The following TENM2 variants were observed in gnomAD, a reference collection of about 807,000 sequenced individuals.
TENM2 encodes the protein teneurin transmembrane protein 2.
A neutral mutation model predicts 245.2 loss-of-function variants in TENM2; 52 were observed. The observed-to-expected ratio is 0.21, with a 90% CI of 0.17 to 0.27. The LOEUF is 0.27. Ranked by LOEUF, TENM2 falls within the 10% of genes least tolerant of loss-of-function variation. The pLI is 1.00. For missense variants in TENM2, 3,046 were observed against 3,666.8 expected (o/e 0.83, Z 4.37); for synonymous variants, 1,363 against 1,438.9 (o/e 0.95, Z 1.19).
the TENM2 span, among the ~76,000 whole-genome samples, chr5:167,143,091 T>C: frequency 6.6e-6 from 1 of 152,202 alleles, no homozygotes; most frequent in Non-Finnish European, 1.5e-5. Context: ...TTGGTGTCCT[T>C]GTAAATGTTG....
the TENM2 span, among the ~76,000 whole-genome samples, chr5:167,030,203 A>T: frequency 6.6e-6 from 1 of 152,130 alleles, no homozygotes; most frequent in Admixed American, 6.5e-5. Flanking sequence ...CCACCTTCTG[A>T]ACACTCACAC....
the TENM2 span, among the ~76,000 whole-genome samples, chr5:167,125,343 G>T: frequency 6.6e-6 from 1 of 152,218 alleles, no homozygotes; most frequent in Non-Finnish European, 1.5e-5. Flanking sequence ...GATGCACTCT[G>T]CAAATGCAAA....
chr5:168,069,592 T>C (rs1790806543), intron 7 of TENM2, among the ~76,000 whole-genome samples: 1 of 152,188 alleles, frequency 6.6e-6, no homozygotes, highest in Non-Finnish European at 1.5e-5. Context: ...CATTATCTTG[T>C]TTTATCTTCA....
At chr5:168,033,819 G>T (rs1446368561) in intron 5 of TENM2, among the ~76,000 whole-genome samples, 1 of 151,890 alleles carries the variant, frequency 6.6e-6, no homozygotes, top group African/African-American at 2.4e-5. Context: ...TTGAGGTCAG[G>T]AGTTCGAGAC....
intron 1 of TENM2, among the ~76,000 whole-genome samples, chr5:167,356,662 A>T (rs1359409949): frequency 6.6e-6 from 1 of 152,184 alleles, no homozygotes; most frequent in Non-Finnish European, 1.5e-5. Flanking sequence ...GCATTCCAGG[A>T]TGATATCAAT....
intron 2 of TENM2, among the ~76,000 whole-genome samples, chr5:167,619,672 A>C (rs886303556): frequency 1.3e-5 from 2 of 152,182 alleles, no homozygotes; most frequent in Non-Finnish European, 2.9e-5. Context: ...TAGTAAAAGC[A>C]CTGGCCCTCC....
At chr5:167,730,090 G>A (rs913516509) in intron 2 of TENM2, among the ~76,000 whole-genome samples, 31 of 152,088 alleles carry the variant, frequency 2.0e-4, no homozygotes, top group African/African-American at 6.0e-4. Flanking sequence ...TGCTTGCCAC[G>A]AAACCATCTA....
chr5:167,655,667 T>C (rs1754793354), intron 2 of TENM2, among the ~76,000 whole-genome samples: 1 of 152,194 alleles, frequency 6.6e-6, no homozygotes, highest in South Asian at 2.1e-4. Context: ...GATGTGTAGG[T>C]GAATTTGGTA....
At chr5:167,122,754 A>C in the TENM2 span, among the ~76,000 whole-genome samples, 2 of 152,190 alleles carry the variant, frequency 1.3e-5, no homozygotes, top group Non-Finnish European at 2.9e-5. Flanking sequence ...CCAAATCATT[A>C]AGATTTGCCT....
intron 2 of TENM2, among the ~76,000 whole-genome samples, chr5:167,679,435 T>C (rs1224420068): frequency 6.6e-6 from 1 of 152,196 alleles, no homozygotes; most frequent in East Asian, 1.9e-4. Flanking sequence ...GCTAGTACTA[T>C]AGATGAACTT....
chr5:167,396,717 G>A (rs1208471241), intron 2 of TENM2, among the ~76,000 whole-genome samples: 2 of 152,170 alleles, frequency 1.3e-5, no homozygotes, highest in Non-Finnish European at 1.5e-5. Context: ...TCCTTAGGAA[G>A]AACAAGATTT....
chr5:167,309,556 CTGCTATG>C (rs1347517548), intron 1 of TENM2, among the ~76,000 whole-genome samples: 1 of 152,162 alleles, frequency 6.6e-6, no homozygotes, highest in Non-Finnish European at 1.5e-5. Context: ...GGAAAAACCT[CTGCTATG>C]TGCTTTATCC....
chr5:167,311,021 G>A (rs1755999569), intron 1 of TENM2, among the ~76,000 whole-genome samples: 1 of 152,136 alleles, frequency 6.6e-6, no homozygotes, highest in Admixed American at 6.6e-5. Context: ...ACAGTGCTCA[G>A]TATTCAGAGC....
exon 13 of TENM2, chr5:168,162,744 G>C (rs1377281475): frequency 1.2e-5 from 19 of 1,614,002 alleles, no homozygotes; most frequent in Non-Finnish European, 1.6e-5. Flanking sequence ...CTGATAACAA[G>C]GATAATGAGG....
At chr5:167,702,619 T>A (rs903658982) in intron 2 of TENM2, among the ~76,000 whole-genome samples, 22 of 149,706 alleles carry the variant, frequency 1.5e-4, no homozygotes, top group African/African-American at 4.9e-4. Context: ...TCCCAAGAAC[T>A]GCTGTGTTTT....
At chr5:167,678,467 A>G (rs1439970886) in intron 2 of TENM2, among the ~76,000 whole-genome samples, 2 of 152,140 alleles carry the variant, frequency 1.3e-5, no homozygotes, top group African/African-American at 2.4e-5. Context: ...TTCTGTGCAC[A>G]GATTTATCCT....
At chr5:167,343,284 G>T (rs1240795606) in intron 1 of TENM2, among the ~76,000 whole-genome samples, 1 of 152,048 alleles carries the variant, frequency 6.6e-6, no homozygotes, top group African/African-American at 2.4e-5. Context: ...TCTTTAAAGG[G>T]CACTGGTTTC....
At chr5:168,256,965 C>T (rs1251246699) in intron 27 of TENM2, among the ~76,000 whole-genome samples, 1 of 149,472 alleles carries the variant, frequency 6.7e-6, no homozygotes, top group Admixed American at 6.6e-5. Context: ...CAGACAGATC[C>T]ACTGTCACAC....
Position 168,204,329 on chromosome 5 carries a change from C to T in TENM2, c.3575-43C>T, listed in dbSNP as rs1206072061. 5 of 1,592,980 alleles carry T rather than the reference C, an allele frequency of 3.1e-6. No homozygotes were observed. The Admixed American group carries it at 6.7e-5, about 21-fold the overall frequency. ...CAGTTGGCCAATACACATGTCTTCC[C>T]CAGAGGGCTTCAGTAACCCCTCCCA... On this transcript the variant is annotated intron_variant, in intron 18 of 28. Coordinates refer to ENST00000518659, the Ensembl canonical transcript of TENM2.
Sources: allele counts gnomAD v4.1 joint callset (sites outside exome capture counted in the v4.1 genomes callset), GRCh38; gene constraint gnomAD v4.1.1; transcripts MANE v1.5; gene names NCBI Gene and HGNC (gene_info 2026-07-23, HGNC 2026-07-21).